The following GFPT2 variants were observed in gnomAD, a reference collection of about 807,000 sequenced individuals.
GFPT2 encodes glutamine--fructose-6-phosphate aminotransferase [isomerizing] 2.
GFPT2 carries 62 observed loss-of-function variants against 85.6 expected under a neutral mutation model. The observed-to-expected ratio is 0.72, with a 90% CI of 0.59 to 0.90. The LOEUF (loss-of-function observed/expected upper bound fraction) is 0.90. Among genes scored for constraint, GFPT2 ranks in the 40% least tolerant of loss-of-function variants. The probability of loss-of-function intolerance (pLI) is 0.00; values close to 1 mark genes in which losing one functional copy is unlikely to be tolerated. For synonymous variants in GFPT2, 368 were observed against 344.5 expected (o/e 1.07, Z -0.75); for missense variants, 788 against 893.4 (o/e 0.88, Z 1.50).
chr5:180,326,282 G>T (rs1764210841), intron 7 of GFPT2, among the ~76,000 whole-genome samples: 1 of 151,208 alleles, frequency 6.6e-6, no homozygotes, highest in Non-Finnish European at 1.5e-5. Context: ...TTATTAATAA[G>T]AAGAAAACAC....
intron 13 of GFPT2, among the ~76,000 whole-genome samples, chr5:180,315,468 G>A (rs113786253): frequency 0.024 from 3,665 of 151,814 alleles, 116 homozygotes; most frequent in East Asian, 0.14. Flanking sequence ...GTGAGCCACC[G>A]CGCCCGGCCG....
chr5:180,336,030 G>A (rs377099349), intron 3 of GFPT2, 77 bp from the exon 4 acceptor site: 12 of 1,406,258 alleles, frequency 8.5e-6, no homozygotes, highest in South Asian at 2.9e-5. Flanking sequence ...ACCTGGTGTC[G>A]TTACCCAAGT....
intron 4 of GFPT2, among the ~76,000 whole-genome samples, chr5:180,335,524 C>G (rs912452767): frequency 1.3e-5 from 2 of 152,234 alleles, no homozygotes; most frequent in African/African-American, 2.4e-5. Flanking sequence ...CAGTCCCTCA[C>G]GCGGCCTCAT....
chr5:180,319,178 T>C (rs1026083768), intron 9 of GFPT2, among the ~76,000 whole-genome samples: 1 of 152,260 alleles, frequency 6.6e-6, no homozygotes, highest in Non-Finnish European at 1.5e-5. Context: ...AGACATTATA[T>C]CATTTCTTCT....
chr5:180,339,155 G>A (rs1273205553), intron 1 of GFPT2, among the ~76,000 whole-genome samples: 1 of 152,110 alleles, frequency 6.6e-6, no homozygotes. Context: ...CGAGGTGGGT[G>A]GATCACCTGA....
intron 1 of GFPT2, among the ~76,000 whole-genome samples, chr5:180,343,417 G>A (rs901506965): frequency 1.3e-5 from 2 of 152,230 alleles, no homozygotes; most frequent in African/African-American, 4.8e-5. Context: ...CAGGAGGCCC[G>A]GTGCCCACTC....
Position 180,301,198 on chromosome 5 carries a change from C to A in GFPT2, c.*366G>T. 3.7e-6 allele frequency: 1 copy of A among 270,942 alleles called. No homozygotes were observed. Among genetic ancestry groups the A allele is most frequent in the Non-Finnish European group, 7.0e-6 (1 of 143,884 alleles). 16.8% of individuals were successfully genotyped at this position (270,942 alleles called of 1,614,324 possible). A position where few individuals can be genotyped will look rare whatever the true frequency, so the allele number is the denominator to read the frequency against. On this transcript the variant is annotated 3_prime_UTR_variant, in exon 19 of 19. Coordinates refer to ENST00000253778, the MANE Select transcript of GFPT2 (RefSeq NM_005110.4). ...AGAAAGCCACATACTAGAAAAATAACTTAAAAGCTATACAGTCGTCATTAT... is the reference window on the plus strand; with the variant it reads ...AGAAAGCCACATACTAGAAAAATAAATTAAAAGCTATACAGTCGTCATTAT...
Position 180,318,713 on chromosome 5 carries a change from G to C in GFPT2, c.958+80C>G. 8.0e-7 allele frequency: 1 copy of C among 1,254,128 alleles called. No homozygotes were observed. Among genetic ancestry groups the C allele is most frequent in the South Asian group, 1.3e-5 (1 of 77,584 alleles). The allele number at this position is 1,254,128 out of a possible 1,614,324, so 77.7% of individuals were successfully genotyped here. Reference sequence around the variant, plus strand: ...GGCAGGAGGGCTGTGGCCTCTACTAGGACCAGGCAGAGTGTCAGGAGCTCC... The same window carrying C: ...GGCAGGAGGGCTGTGGCCTCTACTACGACCAGGCAGAGTGTCAGGAGCTCC... On this transcript the variant is annotated intron_variant, in intron 10 of 18. Transcript: ENST00000253778. The surrounding 1 kb of genome is among the most constrained non-coding windows in gnomAD (Gnocchi z 4.2).
chr5:180,321,761 GGTTTTGTTTTGTTTT>G (rs10610483), intron 9 of GFPT2, among the ~76,000 whole-genome samples: 3,841 of 150,642 alleles, frequency 0.025, 134 homozygotes, highest in African/African-American at 0.071. Flanking sequence ...TAATATGGAG[GGTTTTGTTTTGTTTT>G]GTTTTGTTTT....
chr5:180,303,617 G>A (rs748240763), intron 17 of GFPT2, among the ~76,000 whole-genome samples: 12 of 152,314 alleles, frequency 7.9e-5, no homozygotes, highest in Middle Eastern at 3.4e-3. Context: ...CCCTCACTCT[G>A]ACCTCTGTGC....
At chr5:180,339,757 G>A (rs1348761696) in intron 1 of GFPT2, among the ~76,000 whole-genome samples, 4 of 152,208 alleles carry the variant, frequency 2.6e-5, no homozygotes, top group African/African-American at 7.2e-5. Context: ...TGTGCTCCTG[G>A]CTCTGGCCAC....
rs1381858596 is a variant in GFPT2, at chr5:180,318,916, C to T, written c.835G>A (p.Asp279Asn). The change falls in exon 10 of 19, where the codon GAC becomes AAC. Residue 279 changes from aspartate to asparagine, a missense_variant. Physicochemically the swap from Asp to Asn is conservative, Grantham distance 23. Coordinates refer to ENST00000253778, the MANE Select transcript of GFPT2 (RefSeq NM_005110.4). This position sits in a 1 kb window ranked among gnomAD's most constrained non-coding sequence, Gnocchi z 4.2. ...TCAGCCACTGCGGCGATGTCATCGT[C>T]CTCCAGGAAGATGACCCGGTTGGTG... ...EHTNRVIFLE[D>N]DDIAAVADGK... 1 of 1,613,704 alleles carries T rather than the reference C, an allele frequency of 6.2e-7. No individual in the cohort carries two copies. The highest frequency in any genetic ancestry group is 8.5e-7 in the Non-Finnish European group (1 of 1,180,032).
At chr5:180,325,010 T>A (rs1458735598) in intron 7 of GFPT2, 115 bp from the exon 8 acceptor site, 1 of 746,864 alleles carries the variant, frequency 1.3e-6, no homozygotes, top group Non-Finnish European at 2.4e-6. Context: ...TGGTGGAGGA[T>A]CCTGTTTAGG....
chr5:180,302,286 CA>C (rs202124937), intron 18 of GFPT2, 136 bp downstream of exon 18: 47,058 of 497,502 alleles, frequency 0.095, 13 homozygotes, highest in South Asian at 0.14. Context: ...GACTCAATCT[CA>C]AAAAAAAAAA....
In GFPT2 at chr5:180,313,888, G is replaced by C. The variant is rs774433246; in HGVS notation, c.1350C>G (p.Thr450=). 1 of 1,607,008 alleles carries C rather than the reference G, an allele frequency of 6.2e-7. No homozygotes were observed. Among genetic ancestry groups the C allele is most frequent in the South Asian group, 1.1e-5 (1 of 90,744 alleles). Residue 450 remains threonine, a synonymous_variant, in exon 14 of 19, where the codon ACC becomes ACG. Coordinates refer to ENST00000253778, the MANE Select transcript of GFPT2 (RefSeq NM_005110.4). ...TCTCGCGAGAGATGGAGCTGCCCACGGTGTTGGTGACGCCCACGGTGAGAG... is the reference window on the plus strand; with the variant it reads ...TCTCGCGAGAGATGGAGCTGCCCACCGTGTTGGTGACGCCCACGGTGAGAG... ...RGALTVGVTN[T]VGSSISRETD... is the part of the protein sequence containing the mutation.
At chr5:180,308,243 G>A (rs568333990) in intron 15 of GFPT2, among the ~76,000 whole-genome samples, 11 of 150,182 alleles carry the variant, frequency 7.3e-5, no homozygotes, top group Admixed American at 2.0e-4. Flanking sequence ...GCAACAGAGC[G>A]AGACTCCATC....
chr5:180,346,817 T>C (rs1318435771), intron 1 of GFPT2, among the ~76,000 whole-genome samples: 1 of 152,244 alleles, frequency 6.6e-6, no homozygotes, highest in Non-Finnish European at 1.5e-5. Flanking sequence ...TCTACTGCTC[T>C]TTCCTAGCCT....
At chr5:180,336,640 G>T in intron 2 of GFPT2, 63 bp from the exon 3 acceptor site, 1 of 1,074,994 alleles carries the variant, frequency 9.3e-7, no homozygotes, top group Non-Finnish European at 1.5e-6. Flanking sequence ...CTTGGCACAG[G>T]TGCTCCGCAG....
chr5:180,303,432 G>T lies in GFPT2; in HGVS notation c.1843-848C>A, dbSNP rs192687581. 2.6e-3 allele frequency among the ~76,000 whole-genome samples: 390 copies of T among 152,258 alleles called. 7 individuals carry two copies. Among genetic ancestry groups the T allele is most frequent in the Admixed American group, 0.023 (359 of 15,300 alleles). The stretch of plus-strand genomic sequence containing the variant: ...GACAGCAGGAGCGGCCAGCGCAAAG[G>T]CCCGGAGGCGGGCGCGGGCGCAATG... On this transcript the variant is annotated intron_variant, in intron 17 of 18. Coordinates refer to ENST00000253778, the MANE Select transcript of GFPT2 (RefSeq NM_005110.4).
Sources: allele counts gnomAD v4.1 joint callset (sites outside exome capture counted in the v4.1 genomes callset), GRCh38; gene constraint gnomAD v4.1.1; non-coding constraint Gnocchi (gnomAD v3.1); transcripts MANE v1.5; gene names NCBI Gene and HGNC (gene_info 2026-07-23, HGNC 2026-07-21).